XYLT1: variants seen among roughly 807,000 people sequenced by gnomAD.
XYLT1 encodes beta-D-xylosyltransferase 1.
Under a neutral mutation model 91.3 loss-of-function variants are expected in XYLT1, and 36 were observed. That is an observed-to-expected ratio of 0.39 (90% CI 0.30 to 0.52). XYLT1 has a LOEUF of 0.52. XYLT1 is among the 20% of genes least tolerant of loss of function. The pLI is 0.68. For missense variants in XYLT1, 1,242 were observed against 1,284.5 expected, an observed-to-expected ratio of 0.97 and a Z score of 0.51; for synonymous variants, 588 against 532.0, an observed-to-expected ratio of 1.11 and a Z score of -1.45.
chr16:17,144,835 T>C (rs1246479771), intron 6 of XYLT1, among the ~76,000 whole-genome samples: 1 of 152,222 alleles, frequency 6.6e-6, no homozygotes. Flanking sequence ...GCCTACTCCA[T>C]GCAGGCTCCA....
At chr16:17,357,187 A>C (rs28396382) in intron 2 of XYLT1, among the ~76,000 whole-genome samples, 10,021 of 148,214 alleles carry the variant, frequency 0.068, 561 homozygotes, top group Middle Eastern at 0.12. Context: ...AAAAAAAAAA[A>C]AAAAAAAAAA....
intron 2 of XYLT1, among the ~76,000 whole-genome samples, chr16:17,299,679 T>C (rs561961752): frequency 1.3e-5 from 2 of 152,212 alleles, no homozygotes; most frequent in East Asian, 3.9e-4. Context: ...AGGCTTTTTG[T>C]CCCCTGCAGA....
intron 1 of XYLT1, among the ~76,000 whole-genome samples, chr16:17,398,103 C>G (rs1252670835): frequency 6.6e-6 from 1 of 152,026 alleles, no homozygotes; most frequent in Non-Finnish European, 1.5e-5. Flanking sequence ...AAATGCAGAC[C>G]TTGGATCCAC....
chr16:17,117,404 A>G (rs7200593), intron 11 of XYLT1, among the ~76,000 whole-genome samples: 8,614 of 152,156 alleles, frequency 0.057, 799 homozygotes, highest in African/African-American at 0.19. Context: ...TGGAAGTTGA[A>G]TGGGGGAGCG....
At chr16:17,315,804 T>G (rs2034621827) in intron 2 of XYLT1, among the ~76,000 whole-genome samples, 2 of 152,172 alleles carry the variant, frequency 1.3e-5, no homozygotes, top group African/African-American at 4.8e-5. Flanking sequence ...CTAGGCCCTT[T>G]GACCCTATAC....
chr16:17,415,998 G>T (rs2036175657), intron 1 of XYLT1, among the ~76,000 whole-genome samples: 2 of 152,236 alleles, frequency 1.3e-5, no homozygotes, highest in African/African-American at 2.4e-5. Context: ...CAGAAAGTCA[G>T]TATGGCAGTG....
chr16:17,365,382 G>A (rs1264867309), intron 1 of XYLT1, among the ~76,000 whole-genome samples: 2 of 152,142 alleles, frequency 1.3e-5, no homozygotes, highest in Non-Finnish European at 2.9e-5. Flanking sequence ...GGCATGGGGT[G>A]ATGAGGGAGG....
At chr16:17,151,346 T>C (rs1033014123) in intron 6 of XYLT1, among the ~76,000 whole-genome samples, 1 of 152,136 alleles carries the variant, frequency 6.6e-6, no homozygotes, top group Non-Finnish European at 1.5e-5. Context: ...GAATCGCTTG[T>C]ACCTTGCAGG....
intron 1 of XYLT1, among the ~76,000 whole-genome samples, chr16:17,384,278 TA>T (rs1053742771): frequency 6.6e-6 from 1 of 151,446 alleles, no homozygotes; most frequent in African/African-American, 2.4e-5. Context: ...CAATCCCAGG[TA>T]AGTAGGTGGT....
At chr16:17,293,820 C>T (rs1190965737) in intron 2 of XYLT1, among the ~76,000 whole-genome samples, 1 of 152,136 alleles carries the variant, frequency 6.6e-6, no homozygotes, top group Non-Finnish European at 1.5e-5. Context: ...ACCACTAGTG[C>T]CCAATGTTTA....
chr16:17,134,366 G>T, intron 9 of XYLT1, 107 bp downstream of exon 9: 1 of 1,405,008 alleles, frequency 7.1e-7, no homozygotes, highest in Non-Finnish European at 9.7e-7. Flanking sequence ...AGCATAGGGT[G>T]GCATTGCATT....
Position 17,235,763 on chromosome 16 carries a change from C to G in XYLT1, c.913+23225G>C, listed in dbSNP as rs528897865. ...AATCTGACGTGTTGGTAAATTTGCA[C>G]CTTGAGTGTCCTCCAAGTAACAGCT... On this transcript the variant is annotated intron_variant, in intron 3 of 11. Transcript: ENST00000261381. Among the ~76,000 whole-genome samples the G allele has an allele frequency of 5.3e-4, 80 of 152,296 alleles. 1 individual carries two copies. Among genetic ancestry groups the G allele is most frequent in the African/African-American group, 1.8e-3 (75 of 41,548 alleles).
At chr16:17,226,313 C>T (rs951229270) in intron 3 of XYLT1, among the ~76,000 whole-genome samples, 2 of 152,162 alleles carry the variant, frequency 1.3e-5, no homozygotes, top group African/African-American at 2.4e-5. Context: ...TCAAGGCCAC[C>T]GTTACATTCA....
At chr16:17,229,146 T>C (rs1282194360) in intron 3 of XYLT1, among the ~76,000 whole-genome samples, 1 of 152,148 alleles carries the variant, frequency 6.6e-6, no homozygotes, top group East Asian at 1.9e-4. Context: ...ATTTTTGTAT[T>C]TTTTGTACAG....
At chr16:17,460,225 G>A (rs1355710700) in intron 1 of XYLT1, among the ~76,000 whole-genome samples, 3 of 152,150 alleles carry the variant, frequency 2.0e-5, no homozygotes, top group Admixed American at 1.3e-4. Context: ...TTCCCAATGC[G>A]TGTTATTGGG....
At chr16:17,305,953 G>T (rs926334732) in intron 2 of XYLT1, among the ~76,000 whole-genome samples, 30 of 152,062 alleles carry the variant, frequency 2.0e-4, no homozygotes, top group African/African-American at 6.8e-4. Context: ...TCACTCCTCT[G>T]GCTAAGGACA....
rs541296569 is a variant in XYLT1, at chr16:17,243,438, A to G, written c.913+15550T>C. 2.0e-5 allele frequency among the ~76,000 whole-genome samples: 3 copies of G among 152,028 alleles called. No individual in the cohort carries two copies. In the East Asian group the frequency reaches 5.8e-4, roughly 29 times the overall value. ...TATAGGAGAATCCTCATCAGGTTAG[A>G]GTGAGACTGGAGAACTCTTGAGAGG... On this transcript the variant is annotated intron_variant, in intron 3 of 11. Transcript: ENST00000261381.
intron 2 of XYLT1, among the ~76,000 whole-genome samples, chr16:17,277,374 G>C (rs900629241): frequency 6.6e-6 from 1 of 151,848 alleles, no homozygotes; most frequent in Non-Finnish European, 1.5e-5. Flanking sequence ...AGAAGTTCTC[G>C]GTGTCTACTG....
intron 5 of XYLT1, among the ~76,000 whole-genome samples, chr16:17,191,442 G>C (rs1054584899): frequency 6.6e-6 from 1 of 152,160 alleles, no homozygotes; most frequent in Non-Finnish European, 1.5e-5. Context: ...ATTATCAAGG[G>C]CTTGACTTCC....
Sources: allele counts gnomAD v4.1 joint callset (sites outside exome capture counted in the v4.1 genomes callset), GRCh38; gene constraint gnomAD v4.1.1; transcripts MANE v1.5; gene names NCBI Gene and HGNC (gene_info 2026-07-23, HGNC 2026-07-21).